Variants in FNDC3A observed in about 807,000 individuals in gnomAD.
FNDC3A encodes the protein fibronectin type-III domain-containing protein 3A.
Under a neutral mutation model 148.9 loss-of-function variants are expected in FNDC3A, and 32 were observed. The observed-to-expected ratio is 0.21, with a 90% CI of 0.16 to 0.29. The LOEUF is 0.29. Among genes scored for constraint, FNDC3A ranks in the 10% least tolerant of loss-of-function variants. The pLI is 1.00. For synonymous variants in FNDC3A, 472 were observed against 473.6 expected, an observed-to-expected ratio of 1.00 and a Z score of 0.04; for missense variants, 1,191 against 1,452.8, an observed-to-expected ratio of 0.82 and a Z score of 2.93.
chr13:49,011,839 C>G (rs1952351868), intron 2 of FNDC3A, among the ~76,000 whole-genome samples: 1 of 152,132 alleles, frequency 6.6e-6, no homozygotes, highest in Admixed American at 6.5e-5. Flanking sequence ...ATTCCCTATA[C>G]TGAGGCAATG....
intron 3 of FNDC3A, among the ~76,000 whole-genome samples, chr13:49,096,183 A>G (rs899402124): frequency 1.3e-5 from 2 of 152,152 alleles, no homozygotes; most frequent in Non-Finnish European, 2.9e-5. Context: ...ACATGTCACC[A>G]TTAACCATAA....
chr13:49,151,122 C>A (rs1237241713), intron 8 of FNDC3A, among the ~76,000 whole-genome samples: 2 of 151,952 alleles, frequency 1.3e-5, no homozygotes, highest in Admixed American at 6.6e-5. Context: ...CATTTAAATA[C>A]AATGAAATTT....
chr13:49,053,468 G>A (rs972814969), intron 2 of FNDC3A, among the ~76,000 whole-genome samples: 4 of 152,154 alleles, frequency 2.6e-5, no homozygotes, highest in African/African-American at 9.7e-5. Flanking sequence ...TGAGCCCAAG[G>A]TGGTTTGGTT....
rs186351261 is a variant in FNDC3A, at chr13:49,128,131, C to T, written c.253-3006C>T. ...GCCTGACCTCATGATCCACCCACCT[C>T]GGCCTCCCAAAGTGCTGGGATTACA... On this transcript the variant is annotated intron_variant, in intron 4 of 25. Coordinates refer to ENST00000492622, the MANE Select transcript of FNDC3A (RefSeq NM_001079673.2). Among the ~76,000 whole-genome samples, 466 of 152,272 alleles carry T rather than the reference C, an allele frequency of 3.1e-3. 4 individuals carry two copies. Among genetic ancestry groups the T allele is most frequent in the African/African-American group, 0.011 (439 of 41,534 alleles).
intron 8 of FNDC3A, among the ~76,000 whole-genome samples, chr13:49,158,447 T>C (rs1320629414): frequency 6.6e-6 from 1 of 152,170 alleles, no homozygotes; most frequent in Non-Finnish European, 1.5e-5. Context: ...ATGAACCCGG[T>C]ACCTCAGATG....
Position 49,168,610 on chromosome 13 carries a change from T to C in FNDC3A, c.1038-3T>C, listed in dbSNP as rs772875053. ...GGTAAAACTATTTATTTTATCACCA[T>C]AGAGTCCAGGCAGAATATAATTCTA... On this transcript the variant is annotated splice_region_variant and splice_polypyrimidine_tract_variant and intron_variant, in intron 9 of 25. Transcript: ENST00000492622. The C allele has an allele frequency of 1.2e-5, 20 of 1,605,392 alleles. No individual in the cohort carries two copies. The highest frequency in any genetic ancestry group is 1.6e-5 in the Non-Finnish European group (19 of 1,172,708).
At chr13:49,064,416 A>AC (rs1466295630) in intron 2 of FNDC3A, among the ~76,000 whole-genome samples, 4 of 118,356 alleles carry the variant, frequency 3.4e-5, no homozygotes, top group African/African-American at 1.3e-4. Context: ...CCCCCCAAAA[A>AC]AAAAACAACA....
At chr13:49,012,649 C>T (rs1460138018) in intron 2 of FNDC3A, among the ~76,000 whole-genome samples, 6 of 152,056 alleles carry the variant, frequency 3.9e-5, no homozygotes, top group Admixed American at 2.6e-4. Context: ...GGCATCTTTA[C>T]AATATTGAAT....
intron 3 of FNDC3A, among the ~76,000 whole-genome samples, chr13:49,104,500 GGTGGCC>G (rs1880043571): frequency 2.2e-3 from 1 of 454 alleles, no homozygotes; most frequent in African/African-American, 7.2e-3. Context: ...CTCCAGCCCA[GGTGGCC>G]CAGGTGACAG....
chr13:49,104,479 G>A (rs977198467), intron 3 of FNDC3A, among the ~76,000 whole-genome samples: 14 of 96,624 alleles, frequency 1.4e-4, no homozygotes, highest in East Asian at 8.9e-4. Context: ...AGCTGAGATC[G>A]CGCCACTGCA....
At chr13:49,075,015 C>T (rs1028459100) in intron 2 of FNDC3A, among the ~76,000 whole-genome samples, 4 of 152,078 alleles carry the variant, frequency 2.6e-5, no homozygotes, top group African/African-American at 9.7e-5. Context: ...GGTTTGACTC[C>T]ATCTTTGTTT....
intron 17 of FNDC3A, among the ~76,000 whole-genome samples, chr13:49,190,546 G>C (rs564559487): frequency 6.6e-6 from 1 of 152,168 alleles, no homozygotes; most frequent in African/African-American, 2.4e-5. Flanking sequence ...TCAGTGTTTA[G>C]GTTAAAAATA....
At position 49,208,183 on chromosome 13, in the gene FNDC3A, C is replaced by T. The variant is rs1886740539; in HGVS notation, c.*788C>T. On this transcript the variant is annotated 3_prime_UTR_variant, in exon 26 of 26. Coordinates refer to ENST00000492622, the MANE Select transcript of FNDC3A (RefSeq NM_001079673.2). The stretch of plus-strand genomic sequence containing the variant: ...ATTGAATTTCAAACCTATTTGGCTT[C>T]TGTTTTGTGAACCTTTGAACTATAT... 1 of 152,178 alleles carries T rather than the reference C, an allele frequency of 6.6e-6. No homozygotes were observed. The highest frequency in any genetic ancestry group is 2.4e-5 in the African/African-American group (1 of 41,420). The allele number at this position is 152,178 out of a possible 1,614,324, so 9.4% of individuals were successfully genotyped here.
intron 7 of FNDC3A, among the ~76,000 whole-genome samples, chr13:49,144,032 C>CTACTAA (rs1284617200): frequency 1.1e-4 from 17 of 149,936 alleles, no homozygotes; most frequent in African/African-American, 4.2e-4. Flanking sequence ...ACTACTACTA[C>CTACTAA]TAATAATAAT....
Position 49,186,073 on chromosome 13 carries a change from T to C in FNDC3A, c.1727T>C (p.Ile576Thr), listed in dbSNP as rs1388466101. 6.2e-7 allele frequency: 1 copy of C among 1,612,976 alleles called. No individual in the cohort carries two copies. The highest frequency in any genetic ancestry group is 8.5e-7 in the Non-Finnish European group (1 of 1,179,136). ...IPVKPSVKGK[I>T]HSHSFKITWD... ...GTAAAGCCTTCAGTGAAAGGAAAGATACATTCACACAGTTTTAAAATAACC... is the reference window on the plus strand; with the variant it reads ...GTAAAGCCTTCAGTGAAAGGAAAGACACATTCACACAGTTTTAAAATAACC... Residue 576 changes from isoleucine to threonine, a missense_variant, in exon 15 of 26, where the codon ATA (isoleucine) becomes ACA (threonine). By Grantham distance (89) the Ile-to-Thr change is moderately conservative. Coordinates refer to ENST00000492622, the MANE Select transcript of FNDC3A (RefSeq NM_001079673.2).
chr13:48,989,953 T>C (rs1004431975), intron 1 of FNDC3A, among the ~76,000 whole-genome samples: 2 of 152,104 alleles, frequency 1.3e-5, no homozygotes, highest in Non-Finnish European at 2.9e-5. Flanking sequence ...AGTTTCACCA[T>C]GTTGGCCAGG....
chr13:48,991,511 A>G (rs1009191568), intron 1 of FNDC3A, among the ~76,000 whole-genome samples: 11 of 152,046 alleles, frequency 7.2e-5, no homozygotes, highest in Admixed American at 4.6e-4. Context: ...ATGTGGTGAA[A>G]CTACGTCTCT....
At chr13:49,162,514 T>A (rs1884205647) in intron 8 of FNDC3A, among the ~76,000 whole-genome samples, 1 of 152,184 alleles carries the variant, frequency 6.6e-6, no homozygotes, top group Non-Finnish European at 1.5e-5. Flanking sequence ...TCGTCTAATC[T>A]TTTTTCAAGG....
intron 2 of FNDC3A, among the ~76,000 whole-genome samples, chr13:49,033,240 T>G (rs1874255898): frequency 6.6e-6 from 1 of 152,212 alleles, no homozygotes; most frequent in South Asian, 2.1e-4. Context: ...TGTTAACTGA[T>G]ACTGGATTAT....
Sources: allele counts gnomAD v4.1 joint callset (sites outside exome capture counted in the v4.1 genomes callset), GRCh38; gene constraint gnomAD v4.1.1; transcripts MANE v1.5; gene names NCBI Gene and HGNC (gene_info 2026-07-23, HGNC 2026-07-21).